Variants in FOXP2 observed in about 807,000 individuals in gnomAD.
The protein encoded by FOXP2 is forkhead box P2.
Under a neutral mutation model 115.8 loss-of-function variants are expected in FOXP2, and 12 were observed. The observed-to-expected ratio is 0.10, with a 90% CI of 0.07 to 0.17. FOXP2 has a LOEUF of 0.17. Ranked by LOEUF, FOXP2 falls within the 10% of genes least tolerant of loss-of-function variation. FOXP2 has a pLI of 1.00. For synonymous variants in FOXP2, 328 were observed against 297.7 expected (o/e 1.10, Z -1.05); for missense variants, 629 against 843.5 (o/e 0.75, Z 3.15).
intron 1 of FOXP2, among the ~76,000 whole-genome samples, chr7:114,274,790 A>G (rs1480460601): frequency 6.7e-6 from 1 of 149,096 alleles, no homozygotes; most frequent in Middle Eastern, 3.2e-3. Context: ...TAGTTTTTTT[A>G]TGTTTTTTGT....
chr7:114,539,956 T>C (rs1276121492), intron 3 of FOXP2, among the ~76,000 whole-genome samples: 1 of 152,030 alleles, frequency 6.6e-6, no homozygotes, highest in Non-Finnish European at 1.5e-5. Flanking sequence ...AAAATAGGAA[T>C]AAAGATACCC....
chr7:114,264,836 G>A (rs768919691), intron 1 of FOXP2, among the ~76,000 whole-genome samples: 1 of 152,118 alleles, frequency 6.6e-6, no homozygotes. Context: ...GAAAGCAAGA[G>A]CAAGAGAGAG....
intron 8 of FOXP2, among the ~76,000 whole-genome samples, chr7:114,650,159 G>A (rs1806161716): frequency 6.6e-6 from 1 of 151,978 alleles, no homozygotes; most frequent in African/African-American, 2.4e-5. Flanking sequence ...AGTATATAAA[G>A]CAAACATTTT....
intron 3 of FOXP2, among the ~76,000 whole-genome samples, chr7:114,537,887 G>A (rs909718012): frequency 1.3e-5 from 2 of 151,586 alleles, no homozygotes; most frequent in African/African-American, 4.8e-5. Flanking sequence ...ATGCAAATGG[G>A]AGCCAATATT....
At chr7:114,237,390 T>C (rs1795037649) in intron 1 of FOXP2, among the ~76,000 whole-genome samples, 1 of 152,234 alleles carries the variant, frequency 6.6e-6, no homozygotes, top group African/African-American at 2.4e-5. Flanking sequence ...TCTCAGTTTC[T>C]TCAGGCATAA....
chr7:114,239,531 G>A (rs1562830932), intron 1 of FOXP2, among the ~76,000 whole-genome samples: 1 of 152,130 alleles, frequency 6.6e-6, no homozygotes, highest in Non-Finnish European at 1.5e-5. Flanking sequence ...TGCAGAAATT[G>A]AGCATTTGGC....
At chr7:114,518,513 T>A (rs1049203061) in intron 2 of FOXP2, among the ~76,000 whole-genome samples, 2 of 148,740 alleles carry the variant, frequency 1.3e-5, no homozygotes, top group African/African-American at 4.9e-5. Context: ...TCTATAGAAT[T>A]TTTTTTTTTT....
At chr7:114,449,760 A>G (rs1453648538) in intron 2 of FOXP2, among the ~76,000 whole-genome samples, 1 of 152,134 alleles carries the variant, frequency 6.6e-6, no homozygotes, top group African/African-American at 2.4e-5. Context: ...TGTATTCAAA[A>G]GTGTTATATA....
chr7:114,689,508 T>C (rs1808545870), intron 16 of FOXP2, among the ~76,000 whole-genome samples: 1 of 152,144 alleles, frequency 6.6e-6, no homozygotes, highest in African/African-American at 2.4e-5. Flanking sequence ...TAACAAAACA[T>C]TTCATTCAGA....
chr7:114,164,407 C>T (rs1397904928), intron 1 of FOXP2, among the ~76,000 whole-genome samples: 1 of 150,280 alleles, frequency 6.7e-6, no homozygotes, highest in African/African-American at 2.5e-5. Flanking sequence ...TACAGTGGTG[C>T]GATCTCGGCT....
intron 2 of FOXP2, among the ~76,000 whole-genome samples, chr7:114,326,592 C>T (rs1489036222): frequency 4.6e-5 from 7 of 152,234 alleles, no homozygotes; most frequent in Admixed American, 2.6e-4. Flanking sequence ...GTAAACCAAA[C>T]ATTTATTCTC....
At chr7:114,164,240 A>G (rs1277261730) in intron 1 of FOXP2, among the ~76,000 whole-genome samples, 1 of 152,204 alleles carries the variant, frequency 6.6e-6, no homozygotes, top group Non-Finnish European at 1.5e-5. Flanking sequence ...GTAACTATGC[A>G]TAGAAAAGGA....
chr7:114,272,150 C>T (rs898371503), intron 1 of FOXP2, among the ~76,000 whole-genome samples: 12 of 148,608 alleles, frequency 8.1e-5, no homozygotes, highest in African/African-American at 2.5e-4. Context: ...TTGATATGAT[C>T]GTGTGATTCT....
chr7:114,342,625 T>C (rs1791245583), intron 2 of FOXP2, among the ~76,000 whole-genome samples: 1 of 151,492 alleles, frequency 6.6e-6, no homozygotes, highest in East Asian at 1.9e-4. Flanking sequence ...GCTTGATTGA[T>C]AGGTGAATCT....
At chr7:114,109,750 G>T (rs996438805) in intron 1 of FOXP2, among the ~76,000 whole-genome samples, 1 of 151,972 alleles carries the variant, frequency 6.6e-6, no homozygotes, top group Non-Finnish European at 1.5e-5. Flanking sequence ...TTTTAACAAT[G>T]TTTATATTTT....
intron 1 of FOXP2, among the ~76,000 whole-genome samples, chr7:114,145,431 T>TTTTTCTTTTCTC (rs1792338150): frequency 6.0e-5 from 6 of 100,446 alleles, no homozygotes; most frequent in Non-Finnish European, 1.3e-4. Flanking sequence ...GCTTTGCCAT[T>TTTTTCTTTTCTC]TTTTCTTTTC....
chr7:114,307,558 A>G (rs1300547288), intron 2 of FOXP2, among the ~76,000 whole-genome samples: 2 of 152,210 alleles, frequency 1.3e-5, no homozygotes, highest in East Asian at 1.9e-4. Context: ...AAAGGGGTAC[A>G]TAAGTTCTCT....
intron 1 of FOXP2, among the ~76,000 whole-genome samples, chr7:114,209,345 A>C (rs1041526207): frequency 1.3e-5 from 2 of 152,206 alleles, no homozygotes; most frequent in Non-Finnish European, 2.9e-5. Context: ...AGTCTTGGGT[A>C]TGTCGTTATT....
rs943648138 is a variant in FOXP2, at chr7:114,571,767, G to T, written c.258+37061G>T. ...AAAGTATACAGGAGGATGTGCATAGGTTATATGTAAATAGTACATCATTTT... is the reference window on the plus strand; with the variant it reads ...AAAGTATACAGGAGGATGTGCATAGTTTATATGTAAATAGTACATCATTTT... On this transcript the variant is annotated intron_variant, in intron 3 of 16. Coordinates refer to ENST00000350908, the MANE Select transcript of FOXP2 (RefSeq NM_014491.4). Among the ~76,000 whole-genome samples the T allele has an allele frequency of 2.0e-5, 3 of 151,738 alleles. No individual in the cohort carries two copies. In the South Asian group the frequency reaches 6.2e-4, roughly 31 times the overall value.
Sources: allele counts gnomAD v4.1 joint callset (sites outside exome capture counted in the v4.1 genomes callset), GRCh38; gene constraint gnomAD v4.1.1; transcripts MANE v1.5; gene names NCBI Gene and HGNC (gene_info 2026-07-23, HGNC 2026-07-21).